The following DIAPH3 variants were observed in gnomAD, a reference collection of about 807,000 sequenced individuals.
DIAPH3 encodes the protein protein diaphanous homolog 3.
Under a neutral mutation model 144.3 loss-of-function variants are expected in DIAPH3, and 117 were observed. The observed-to-expected ratio is 0.81, with a 90% CI of 0.70 to 0.95. The LOEUF is 0.95. Among genes scored for constraint, DIAPH3 ranks in the 40% least tolerant of loss-of-function variants. The probability of loss-of-function intolerance (pLI) is 0.00; values close to 1 mark genes in which losing one functional copy is unlikely to be tolerated. For missense variants in DIAPH3, 1,421 were observed against 1,412.7 expected, an observed-to-expected ratio of 1.01 and a Z score of -0.09; for synonymous variants, 519 against 488.9, an observed-to-expected ratio of 1.06 and a Z score of -0.81.
At chr13:59,911,368 C>A (rs2046989423) in intron 20 of DIAPH3, among the ~76,000 whole-genome samples, 1 of 152,064 alleles carries the variant, frequency 6.6e-6, no homozygotes, top group African/African-American at 2.4e-5. Context: ...AGTAAGTGAT[C>A]AGAACAAGAA....
chr13:59,832,902 G>GTCTGATTA (rs1243026209), intron 24 of DIAPH3: 8 of 521,012 alleles, frequency 1.5e-5, no homozygotes, highest in Non-Finnish European at 2.4e-5. Context: ...CAATCAAAAT[G>GTCTGATTA]TCTGATTACA....
At chr13:59,818,234 T>A (rs1027059934) in intron 24 of DIAPH3, among the ~76,000 whole-genome samples, 1 of 151,830 alleles carries the variant, frequency 6.6e-6, no homozygotes, top group Non-Finnish European at 1.5e-5. Context: ...AGTTTTCCAG[T>A]CTCTGAAAAA....
intron 19 of DIAPH3, among the ~76,000 whole-genome samples, chr13:59,913,700 T>C (rs189127573): frequency 1.1e-4 from 16 of 152,298 alleles, no homozygotes; most frequent in Admixed American, 9.2e-4. Flanking sequence ...GGCTCACGCC[T>C]TTAATCCAGC....
chr13:60,020,777 T>C (rs1252912054), intron 5 of DIAPH3: 2 of 152,278 alleles, frequency 1.3e-5, no homozygotes, highest in Non-Finnish European at 2.9e-5. Flanking sequence ...AGACCAGTGG[T>C]TGAAACAAAT....
In DIAPH3 at chr13:59,923,507, A is replaced by C. The variant is rs74084467; in HGVS notation, c.2170+1268T>G. 8.4e-3 allele frequency among the ~76,000 whole-genome samples: 1,280 copies of C among 152,290 alleles called. 20 individuals carry two copies. Among genetic ancestry groups the C allele is most frequent in the African/African-American group, 0.029 (1,211 of 41,568 alleles). ...TATTTCTCATGAAGACCATATGTTCATCACACCAGTTTCTGTTAATTATTA... is the reference window on the plus strand; with the variant it reads ...TATTTCTCATGAAGACCATATGTTCCTCACACCAGTTTCTGTTAATTATTA... On this transcript the variant is annotated intron_variant, in intron 18 of 27. Coordinates refer to ENST00000400324, the MANE Select transcript of DIAPH3 (RefSeq NM_001042517.2).
At chr13:60,029,057 C>A (rs1407926823) in intron 5 of DIAPH3, among the ~76,000 whole-genome samples, 10 of 147,010 alleles carry the variant, frequency 6.8e-5, no homozygotes, top group Admixed American at 1.3e-4. Flanking sequence ...GACTCCGTCT[C>A]AAAAAAAAAA....
intron 21 of DIAPH3, among the ~76,000 whole-genome samples, chr13:59,876,655 C>G (rs1202362967): frequency 6.6e-6 from 1 of 152,244 alleles, no homozygotes; most frequent in East Asian, 1.9e-4. Context: ...GCTATCCTAC[C>G]TCATTAATCA....
chr13:60,004,203 A>G (rs2140910559), intron 9 of DIAPH3, among the ~76,000 whole-genome samples: 1 of 152,308 alleles, frequency 6.6e-6, no homozygotes, highest in South Asian at 2.1e-4. Flanking sequence ...TTAATTGGCG[A>G]TTTGCTAATG....
Position 59,850,917 on chromosome 13 carries a change from A to G in DIAPH3, c.2737+10490T>C, listed in dbSNP as rs576579271. On this transcript the variant is annotated intron_variant, in intron 22 of 27. Coordinates refer to ENST00000400324, the MANE Select transcript of DIAPH3 (RefSeq NM_001042517.2). The stretch of plus-strand genomic sequence containing the variant: ...CCAACCAAAAAGAGTCCAGGACCAG[A>G]TGGATTCACAGCCGAATTCTACCAG... Among the ~76,000 whole-genome samples the G allele has an allele frequency of 2.9e-4, 43 of 147,806 alleles. 1 individual carries two copies. The South Asian group carries it at 9.6e-3, about 33-fold the overall frequency.
At chr13:60,133,317 T>G (rs4886209) in intron 1 of DIAPH3, among the ~76,000 whole-genome samples, 96,548 of 151,754 alleles carry the variant, frequency 0.64, 31,190 homozygotes, top group Admixed American at 0.72. Context: ...GAACACAATG[T>G]ATCTGTCTGA....
At chr13:59,950,849 T>C (rs1470917652) in intron 17 of DIAPH3, among the ~76,000 whole-genome samples, 1 of 152,140 alleles carries the variant, frequency 6.6e-6, no homozygotes, top group Non-Finnish European at 1.5e-5. Context: ...TATTGTTATT[T>C]ACTCTAGCAG....
intron 20 of DIAPH3, among the ~76,000 whole-genome samples, chr13:59,894,552 A>G (rs902520396): frequency 2.0e-5 from 3 of 149,384 alleles, no homozygotes; most frequent in Non-Finnish European, 4.5e-5. Context: ...AGAGAGAAGA[A>G]AAGGAAAGAA....
chr13:60,138,476 G>T (rs1334134776), intron 1 of DIAPH3, among the ~76,000 whole-genome samples: 1 of 152,210 alleles, frequency 6.6e-6, no homozygotes, highest in African/African-American at 2.4e-5. Context: ...GTATTTCAAA[G>T]AAGTGAAAAC....
At chr13:60,030,206 C>T (rs1247655364) in intron 5 of DIAPH3, among the ~76,000 whole-genome samples, 1 of 152,124 alleles carries the variant, frequency 6.6e-6, no homozygotes, top group Non-Finnish European at 1.5e-5. Flanking sequence ...AGGTTTCTCT[C>T]TCCTATATGC....
At chr13:59,760,437 T>A (rs1030167742) in intron 27 of DIAPH3, among the ~76,000 whole-genome samples, 10 of 152,238 alleles carry the variant, frequency 6.6e-5, no homozygotes, top group Non-Finnish European at 1.2e-4. Context: ...TTCTTAGTTG[T>A]CTCTTATATT....
At chr13:60,074,229 T>A (rs1484627663) in intron 4 of DIAPH3, among the ~76,000 whole-genome samples, 1 of 152,206 alleles carries the variant, frequency 6.6e-6, no homozygotes, top group African/African-American at 2.4e-5. Flanking sequence ...TATATCACAT[T>A]GTACTCCTCT....
chr13:59,945,752 A>G (rs147242359), intron 17 of DIAPH3, among the ~76,000 whole-genome samples: 1 of 152,302 alleles, frequency 6.6e-6, no homozygotes, highest in East Asian at 1.9e-4. Flanking sequence ...TCTTCCACAG[A>G]GGAATATTGA....
Position 59,911,828 on chromosome 13 carries a change from T to C in DIAPH3, c.2274A>G (p.Ile758Met). ...ATTGCTCTTGATCAGGAAGATGCTTTATTAAGTTCTAAAAATTAAAACCAG... is the reference window on the plus strand; with the variant it reads ...ATTGCTCTTGATCAGGAAGATGCTTCATTAAGTTCTAAAAATTAAAACCAG... Reference protein sequence around the residue: ...RLAESMIQNLIKHLPDQEQLN... With the variant: ...RLAESMIQNLMKHLPDQEQLN... Residue 758 changes from isoleucine to methionine, a missense_variant, in exon 20 of 28, where the codon ATA becomes ATG. By Grantham distance (10) the Ile-to-Met change is conservative. Transcript: ENST00000400324. 1 of 1,608,108 alleles carries C rather than the reference T, an allele frequency of 6.2e-7. No individual in the cohort carries two copies. Among genetic ancestry groups the C allele is most frequent in the South Asian group, 1.1e-5 (1 of 90,912 alleles).
At chr13:59,999,851 T>TAC (rs1165815260) in intron 9 of DIAPH3, among the ~76,000 whole-genome samples, 4 of 152,152 alleles carry the variant, frequency 2.6e-5, no homozygotes, top group Non-Finnish European at 5.9e-5. Flanking sequence ...TCTAGTCCCT[T>TAC]ACACATCAAA....
Sources: gnomAD v4.1 joint callset for allele counts (sites outside exome capture counted in the v4.1 genomes callset) on GRCh38, gnomAD v4.1.1 for gene constraint, MANE v1.5 for transcripts, NCBI Gene and HGNC (gene_info 2026-07-23, HGNC 2026-07-21) for gene names.